Variants in GRIP2 observed in about 807,000 individuals in gnomAD.
GRIP2 encodes glutamate receptor-interacting protein 2.
In GRIP2, 58 loss-of-function variants were observed where a neutral mutation model predicts 108.3. The ratio of observed to expected loss-of-function variants is 0.54; its 90% confidence interval spans 0.43 to 0.67. The LOEUF (loss-of-function observed/expected upper bound fraction) is 0.67. Ranked by LOEUF, GRIP2 falls within the 30% of genes least tolerant of loss-of-function variation. The pLI is 0.00. For missense variants in GRIP2, 1,278 were observed against 1,430.6 expected (o/e 0.89, Z 1.72); for synonymous variants, 586 against 598.2 (o/e 0.98, Z 0.30).
rs565277713 is a variant in GRIP2, at chr3:14,491,996, C to A, written c.*1669G>T. On this transcript the variant is annotated 3_prime_UTR_variant, in exon 24 of 24. Transcript: ENST00000621039. ...TCAGGGAGGGCACCAAGGGGCAGAG[C>A]CCAGCGAAGTGGAGGGGAGGGGTAA... 17 of 152,532 alleles carry A rather than the reference C, an allele frequency of 1.1e-4. 2 individuals are homozygous for A. The South Asian group carries it at 3.1e-3, about 28-fold the overall frequency. 9.4% of individuals were successfully genotyped at this position (152,532 alleles called of 1,614,324 possible).
rs750234543 is a variant in GRIP2, at chr3:14,512,903, G to T, written c.1640-46C>A. 3 of 1,563,110 alleles carry T rather than the reference G, an allele frequency of 1.9e-6. No homozygotes were observed. The highest frequency in any genetic ancestry group is 4.5e-5 in the East Asian group (2 of 44,642). ...ACCGACGTGAGGACCCAGAGGAGGA[G>T]CCTCAGCGAACCCCAGCCCCATGCC... On this transcript the variant is annotated intron_variant, in intron 13 of 23. Transcript: ENST00000621039. The surrounding 1 kb of genome is among the most constrained non-coding windows in gnomAD (Gnocchi z 5.1).
the GRIP2 span, among the ~76,000 whole-genome samples, chr3:14,568,996 T>C: frequency 6.6e-6 from 1 of 152,052 alleles, no homozygotes; most frequent in African/African-American, 2.4e-5. Context: ...GCAGGGAAAA[T>C]GCTGGGGAAA....
chr3:14,526,342 A>C (rs1465102329), intron 1 of GRIP2, among the ~76,000 whole-genome samples: 1 of 151,896 alleles, frequency 6.6e-6, no homozygotes, highest in Non-Finnish European at 1.5e-5. Flanking sequence ...AGTTCTGCTG[A>C]CTCTACTACC....
intron 11 of GRIP2, among the ~76,000 whole-genome samples, chr3:14,514,848 T>C (rs1159853638): frequency 1.3e-5 from 2 of 152,368 alleles, no homozygotes; most frequent in Non-Finnish European, 1.5e-5. Flanking sequence ...TATTGAGATA[T>C]AATTTACATA....
Position 14,495,893 on chromosome 3 carries a change from C to T in GRIP2, c.2823+524G>A, listed in dbSNP as rs1693587327. Among the ~76,000 whole-genome samples the T allele has an allele frequency of 2.0e-5, 3 of 152,148 alleles. No individual in the cohort carries two copies. In the South Asian group the frequency reaches 6.2e-4, roughly 32 times the overall value. On this transcript the variant is annotated intron_variant, in intron 22 of 23. Transcript: ENST00000621039. ...AGGCACAGTGGCTCACACATGTAAT[C>T]TCAGCACTTTGAGAGGCTGAGGTGG...
chr3:14,542,154 T>C (rs1694986478), upstream of GRIP2: 7 of 976,298 alleles, frequency 7.2e-6, no homozygotes, highest in Non-Finnish European at 9.6e-6. Context: ...TTATTTTTTA[T>C]TTTTTTTATT....
the GRIP2 span, among the ~76,000 whole-genome samples, chr3:14,585,155 C>A: frequency 6.6e-6 from 1 of 152,110 alleles, no homozygotes; most frequent in African/African-American, 2.4e-5. Flanking sequence ...CCCGAGTAGC[C>A]GGGACTACAC....
In GRIP2 at chr3:14,489,650, A is replaced by G. The variant is rs1253128234; in HGVS notation, c.*4015T>C. 3 of 152,460 alleles carry G rather than the reference A, an allele frequency of 2.0e-5. No individual in the cohort carries two copies. The highest frequency in any genetic ancestry group is 4.4e-5 in the Non-Finnish European group (3 of 68,158). The allele number at this position is 152,460 out of a possible 1,614,324, so 9.4% of individuals were successfully genotyped here. On this transcript the variant is annotated 3_prime_UTR_variant, in exon 24 of 24. Transcript: ENST00000621039. Reference sequence around the variant, plus strand: ...ACAGCTGGGAGATCTGGCAGCAGTCACCTGAGCCTCAGTTTCCCCATCTGG... The same window carrying G: ...ACAGCTGGGAGATCTGGCAGCAGTCGCCTGAGCCTCAGTTTCCCCATCTGG...
chr3:14,503,741 T>TCGGGGCCC (rs1693835088), intron 20 of GRIP2, 70 bp from the exon 21 acceptor site: 1 of 683,146 alleles, frequency 1.5e-6, no homozygotes, highest in African/African-American at 2.2e-5. Flanking sequence ...TGAGGAGTCT[T>TCGGGGCCC]CGGGGCCCCA....
the GRIP2 span, chr3:14,573,804 GC>G: frequency 6.5e-7 from 1 of 1,544,706 alleles, no homozygotes; most frequent in Non-Finnish European, 8.9e-7. Context: ...CTTGTGGCCG[GC>G]AAGCTCTGGG....
At chr3:14,556,306 C>T (rs1172325040), upstream of GRIP2, among the ~76,000 whole-genome samples, 1 of 152,208 alleles carries the variant, frequency 6.6e-6, no homozygotes, top group Non-Finnish European at 1.5e-5. Context: ...ATCCCCTCCT[C>T]CCCTCTTCCC....
chr3:14,566,480 G>A, the GRIP2 span, among the ~76,000 whole-genome samples: 4 of 152,350 alleles, frequency 2.6e-5, no homozygotes, highest in East Asian at 1.9e-4. Context: ...CTGTGGTCTG[G>A]CCACAGGCCA....
upstream of GRIP2, among the ~76,000 whole-genome samples, chr3:14,560,584 G>A (rs953764331): frequency 7.2e-5 from 11 of 152,186 alleles, no homozygotes; most frequent in African/African-American, 2.4e-4. Context: ...AAGCCACTAG[G>A]AAAGGGAATC....
At chr3:14,519,577 T>G (rs1694349291) in intron 9 of GRIP2, among the ~76,000 whole-genome samples, 1 of 152,148 alleles carries the variant, frequency 6.6e-6, no homozygotes, top group Non-Finnish European at 1.5e-5. Context: ...AAGCTGCCCC[T>G]CTGTGGCCAC....
the GRIP2 span, among the ~76,000 whole-genome samples, chr3:14,565,510 C>G: frequency 6.6e-6 from 1 of 152,180 alleles, no homozygotes; most frequent in African/African-American, 2.4e-5. Flanking sequence ...CCAACCCGCA[C>G]AGCTGGGCAG....
chr3:14,500,684 T>C (rs1313338059), intron 21 of GRIP2, among the ~76,000 whole-genome samples: 1 of 151,962 alleles, frequency 6.6e-6, no homozygotes, highest in Non-Finnish European at 1.5e-5. Context: ...AAAAAATAAA[T>C]AAAGACATTT....
At chr3:14,565,941 T>C in the GRIP2 span, among the ~76,000 whole-genome samples, 26,361 of 152,162 alleles carry the variant, frequency 0.17, 2,451 homozygotes, top group Middle Eastern at 0.29. Context: ...GGTGACACAG[T>C]TCACTCATAG....
At chr3:14,551,605 G>A (rs1322988282) in intron 1 of GRIP2, among the ~76,000 whole-genome samples, 1 of 152,190 alleles carries the variant, frequency 6.6e-6, no homozygotes, top group Non-Finnish European at 1.5e-5. Flanking sequence ...CTGCAGGGCT[G>A]TCCCGGGACA....
chr3:14,540,469 G>A (rs1694942450), upstream of GRIP2: 2 of 1,507,914 alleles, frequency 1.3e-6, no homozygotes, highest in South Asian at 1.2e-5. The surrounding 1 kb of genome is among the most constrained non-coding windows in gnomAD (Gnocchi z 4.1). Flanking sequence ...CTGCTTAAAG[G>A]GGACATGGCT....
Sources: gnomAD v4.1 joint callset for allele counts (sites outside exome capture counted in the v4.1 genomes callset) on GRCh38, gnomAD v4.1.1 for gene constraint, Gnocchi (gnomAD v3.1) non-coding constraint, MANE v1.5 for transcripts, NCBI Gene and HGNC (gene_info 2026-07-23, HGNC 2026-07-21) for gene names.